The following SCAPER variants were observed in gnomAD, a reference collection of about 807,000 sequenced individuals.
The protein encoded by SCAPER is S-phase cyclin A associated protein in the ER.
SCAPER carries 98 observed loss-of-function variants against 182.2 expected under a neutral mutation model. That is an observed-to-expected ratio of 0.54 (90% confidence interval 0.46 to 0.64). The LOEUF (loss-of-function observed/expected upper bound fraction) is 0.64. SCAPER is among the 30% of genes least tolerant of loss of function. SCAPER has a pLI of 0.00. For missense variants in SCAPER, 1,432 were observed against 1,690.0 expected (o/e 0.85, Z 2.68); for synonymous variants, 605 against 564.6 (o/e 1.07, Z -1.01).
intron 25 of SCAPER, among the ~76,000 whole-genome samples, chr15:76,468,670 C>T (rs1328931873): frequency 6.6e-6 from 1 of 152,132 alleles, no homozygotes; most frequent in Non-Finnish European, 1.5e-5. Flanking sequence ...ATATCTTTCT[C>T]TGTGCTCCCA....
intron 29 of SCAPER, 145 bp downstream of exon 29, chr15:76,376,017 G>T: frequency 1.1e-6 from 1 of 941,938 alleles, no homozygotes; most frequent in Non-Finnish European, 1.6e-6. Context: ...AAGAGAAGGA[G>T]CTAGAGGCAT....
chr15:76,563,138 C>A (rs1795654690), intron 23 of SCAPER, among the ~76,000 whole-genome samples: 1 of 152,030 alleles, frequency 6.6e-6, no homozygotes, highest in South Asian at 2.1e-4. Context: ...GTGTAATTAG[C>A]AAAATAAACA....
At chr15:76,885,420 A>C (rs1431826424) in intron 1 of SCAPER, among the ~76,000 whole-genome samples, 1 of 152,184 alleles carries the variant, frequency 6.6e-6, no homozygotes, top group African/African-American at 2.4e-5. Context: ...TCCCATGTGG[A>C]ACACTCCCAA....
chr15:76,516,726 A>G (rs947510722), intron 23 of SCAPER, among the ~76,000 whole-genome samples: 1 of 152,166 alleles, frequency 6.6e-6, no homozygotes, highest in African/African-American at 2.4e-5. Flanking sequence ...TTGGGTATAT[A>G]CCCAGTAATG....
intron 25 of SCAPER, among the ~76,000 whole-genome samples, chr15:76,463,121 C>T (rs157774): frequency 0.98 from 149,011 of 152,276 alleles, 72,988 homozygotes; most frequent in South Asian, 1. Context: ...GTTCACACTT[C>T]TGCTGAAGGA....
At chr15:76,723,002 T>G (rs2060353443) in intron 17 of SCAPER, among the ~76,000 whole-genome samples, 1 of 152,194 alleles carries the variant, frequency 6.6e-6, no homozygotes, top group Non-Finnish European at 1.5e-5. Context: ...GCTTCTCTGG[T>G]TCTTTTAATT....
intron 2 of SCAPER, among the ~76,000 whole-genome samples, chr15:76,872,237 C>T (rs1034572727): frequency 1.6e-4 from 24 of 151,816 alleles, no homozygotes; most frequent in African/African-American, 5.8e-4. Flanking sequence ...TTACATGGTA[C>T]AAGTGGAGAC....
At chr15:76,578,763 A>G (rs2048043181) in intron 22 of SCAPER, among the ~76,000 whole-genome samples, 1 of 152,208 alleles carries the variant, frequency 6.6e-6, no homozygotes. Flanking sequence ...GGGTACAAAC[A>G]AGCCTACACC....
At chr15:76,391,596 G>A (rs2043703261) in intron 27 of SCAPER, among the ~76,000 whole-genome samples, 1 of 152,340 alleles carries the variant, frequency 6.6e-6, no homozygotes, top group African/African-American at 2.4e-5. Context: ...AACATGAGAT[G>A]TGGGCAGTCC....
At chr15:76,900,072 G>GAAACAT (rs1208407578) in intron 1 of SCAPER, among the ~76,000 whole-genome samples, 8 of 152,158 alleles carry the variant, frequency 5.3e-5, no homozygotes, top group Non-Finnish European at 1.2e-4. Flanking sequence ...CATGTGCTGT[G>GAAACAT]TCAACTCAGG....
Position 76,596,548 on chromosome 15 carries a change from C to T in SCAPER, c.2712-22264G>A, listed in dbSNP as rs191433618. 9.1e-5 allele frequency among the ~76,000 whole-genome samples: 11 copies of T among 120,478 alleles called. 4 individuals are homozygous for T. In the East Asian group the frequency reaches 2.0e-3, roughly 22 times the overall value. The allele number at this position is 120,478 out of a possible 152,430, so 79.0% of individuals were successfully genotyped here. ...TCAGGCCAATATCCCTGTTGAACAC[C>T]GATGTGAAAATCCTCAATAAAATAC... On this transcript the variant is annotated intron_variant, in intron 22 of 31. Coordinates refer to ENST00000563290, the MANE Select transcript of SCAPER (RefSeq NM_020843.4).
intron 16 of SCAPER, among the ~76,000 whole-genome samples, chr15:76,729,104 T>C (rs1455619007): frequency 6.6e-6 from 1 of 152,090 alleles, no homozygotes; most frequent in Non-Finnish European, 1.5e-5. Context: ...CCTTCAGCCG[T>C]GCTGGATGCT....
At chr15:76,392,312 T>TA (rs2043752656) in intron 27 of SCAPER, among the ~76,000 whole-genome samples, 1 of 152,280 alleles carries the variant, frequency 6.6e-6, no homozygotes, top group South Asian at 2.1e-4. Context: ...CAAGAATATG[T>TA]AAAAAATAGC....
chr15:76,630,326 C>T lies in SCAPER; in HGVS notation c.2646-8497G>A, dbSNP rs563593635. On this transcript the variant is annotated intron_variant, in intron 21 of 31. Coordinates refer to ENST00000563290, the MANE Select transcript of SCAPER (RefSeq NM_020843.4). Reference sequence around the variant, plus strand: ...AGTTCTGCTCTGAGCTTGGTTATTTCTTTTCTTCTCCTAGCTTTGGGGTTT... The same window carrying T: ...AGTTCTGCTCTGAGCTTGGTTATTTTTTTTCTTCTCCTAGCTTTGGGGTTT... Among the ~76,000 whole-genome samples the T allele has an allele frequency of 2.7e-3, 416 of 152,124 alleles. 3 individuals carry two copies. The highest frequency in any genetic ancestry group is 0.015 in the South Asian group (73 of 4,806).
intron 17 of SCAPER, among the ~76,000 whole-genome samples, chr15:76,708,619 C>T (rs1259423794): frequency 2.6e-5 from 4 of 151,890 alleles, no homozygotes; most frequent in African/African-American, 9.7e-5. Context: ...AAATGATAAA[C>T]ATCAAAGCAA....
At chr15:76,585,361 C>T (rs4886817) in intron 22 of SCAPER, among the ~76,000 whole-genome samples, 57,780 of 151,858 alleles carry the variant, frequency 0.38, 13,046 homozygotes, top group Middle Eastern at 0.52. Flanking sequence ...TGGCAGCATA[C>T]TTCTTTTACC....
At chr15:76,732,724 G>C (rs1485977927) in intron 16 of SCAPER, among the ~76,000 whole-genome samples, 1 of 152,196 alleles carries the variant, frequency 6.6e-6, no homozygotes, top group Non-Finnish European at 1.5e-5. Flanking sequence ...CCGTCTCCCT[G>C]TGATGCTGTG....
intron 5 of SCAPER, among the ~76,000 whole-genome samples, chr15:76,835,545 G>A (rs1248987521): frequency 6.6e-6 from 1 of 152,046 alleles, no homozygotes; most frequent in Non-Finnish European, 1.5e-5. Flanking sequence ...TAACATAACT[G>A]AAAATAATAA....
chr15:76,613,872 A>G (rs566871356), intron 22 of SCAPER, among the ~76,000 whole-genome samples: 1 of 152,332 alleles, frequency 6.6e-6, no homozygotes, highest in East Asian at 1.9e-4. Context: ...GGGCCTAAAG[A>G]CAGAAATACC....
Sources: allele counts gnomAD v4.1 joint callset (sites outside exome capture counted in the v4.1 genomes callset), GRCh38; gene constraint gnomAD v4.1.1; transcripts MANE v1.5; gene names NCBI Gene and HGNC (gene_info 2026-07-23, HGNC 2026-07-21).